Variants in PEX5L observed in about 807,000 individuals in gnomAD.
The protein encoded by PEX5L is peroxisomal biogenesis factor 5 like.
PEX5L carries 30 observed loss-of-function variants against 84.0 expected under a neutral mutation model. The ratio of observed to expected loss-of-function variants is 0.36; its 90% CI spans 0.27 to 0.48. The LOEUF (loss-of-function observed/expected upper bound fraction) is 0.48, where lower values mean the gene tolerates loss of function less well. Ranked by LOEUF, PEX5L falls within the 20% of genes least tolerant of loss-of-function variation. The pLI is 0.99. For synonymous variants in PEX5L, 270 were observed against 283.1 expected (o/e 0.95, Z 0.46); for missense variants, 533 against 754.6 (o/e 0.71, Z 3.44).
At chr3:179,961,536 G>A (rs1021992215) in intron 2 of PEX5L, among the ~76,000 whole-genome samples, 1 of 152,122 alleles carries the variant, frequency 6.6e-6, no homozygotes, top group African/African-American at 2.4e-5. Flanking sequence ...ACCACAGAAT[G>A]ACAAGGTCGG....
At chr3:179,988,798 G>A (rs1436671907) in intron 1 of PEX5L, among the ~76,000 whole-genome samples, 1 of 152,218 alleles carries the variant, frequency 6.6e-6, no homozygotes, top group African/African-American at 2.4e-5. Flanking sequence ...GTAGTTAGGA[G>A]TTAAATCATA....
At chr3:179,896,900 T>G (rs551566632) in intron 3 of PEX5L, among the ~76,000 whole-genome samples, 16 of 152,268 alleles carry the variant, frequency 1.1e-4, no homozygotes, top group African/African-American at 3.6e-4. Context: ...ATGAGGAATT[T>G]GGTAAATATC....
intron 2 of PEX5L, among the ~76,000 whole-genome samples, chr3:179,920,523 A>G (rs558255943): frequency 8.4e-4 from 128 of 152,344 alleles, no homozygotes; most frequent in African/African-American, 2.9e-3. Context: ...AACCTGTTAT[A>G]TAACAGGTTA....
At chr3:180,003,922 C>T (rs535076832) in intron 1 of PEX5L, among the ~76,000 whole-genome samples, 3 of 152,282 alleles carry the variant, frequency 2.0e-5, no homozygotes, top group Admixed American at 6.5e-5. Context: ...TGAAGAAATG[C>T]TCTAGCAGCT....
In PEX5L at chr3:179,815,942, T is replaced by G; in HGVS notation, c.1002A>C (p.Leu334Phe). The G allele has an allele frequency of 6.2e-7, 1 of 1,614,190 alleles. No homozygotes were observed. The highest frequency in any genetic ancestry group is 1.1e-5 in the South Asian group (1 of 91,086). ...GCAGATCCCCTTCCTTCAGCCTTTT[T>G]AAGCCTTCTTCAAATGCTCCAGGCC... ...KDWPGAFEEG[L>F]KRLKEGDLPV... The change falls in exon 10 of 15, where the codon TTA (leucine) becomes TTC (phenylalanine). Residue 334 changes from leucine (L) to phenylalanine (F), a missense_variant. Coordinates refer to ENST00000467460, the MANE Select transcript of PEX5L (RefSeq NM_016559.3).
intron 7 of PEX5L, among the ~76,000 whole-genome samples, chr3:179,861,723 T>A (rs1244888781): frequency 6.6e-6 from 1 of 152,202 alleles, no homozygotes; most frequent in African/African-American, 2.4e-5. Context: ...CATATCATCC[T>A]GGCAAGTAGG....
intron 1 of PEX5L, among the ~76,000 whole-genome samples, chr3:179,998,832 T>G (rs1161967328): frequency 6.6e-6 from 1 of 152,226 alleles, no homozygotes; most frequent in Non-Finnish European, 1.5e-5. Context: ...CCACCCTGCC[T>G]TCTCTCTTCC....
chr3:179,816,744 TTTAAA>T (rs1372084238), intron 9 of PEX5L, among the ~76,000 whole-genome samples: 10 of 152,136 alleles, frequency 6.6e-5, no homozygotes, highest in Non-Finnish European at 1.5e-4. Flanking sequence ...AATAAACAAT[TTTAAA>T]TTAAATTTAT....
chr3:179,879,984 A>C lies in PEX5L; in HGVS notation c.450T>G (p.Asp150Glu), dbSNP rs888061625. 1.2e-6 allele frequency: 2 copies of C among 1,613,328 alleles called. No individual in the cohort carries two copies. The highest frequency in any genetic ancestry group is 4.5e-5 in the East Asian group (2 of 44,858). ...KADGSDLIST[D>E]AEQRGQPLRV... The stretch of plus-strand genomic sequence containing the variant: ...TGAGAGGCTGGCCTCTCTGCTCAGC[A>C]TCCGTGCTGATGAGGTCAGATCCAT... Residue 150 changes from aspartate (D) to glutamate (E), a missense_variant, in exon 5 of 15, where the codon GAT (aspartate) becomes GAG (glutamate). This residue lies in a region of PEX5L where 259 missense variants were observed against 301.7 expected (regional missense o/e 0.86). Coordinates refer to ENST00000467460, the MANE Select transcript of PEX5L (RefSeq NM_016559.3).
At chr3:179,836,192 C>CA (rs1734862099) in intron 8 of PEX5L, among the ~76,000 whole-genome samples, 1 of 152,106 alleles carries the variant, frequency 6.6e-6, no homozygotes, top group Non-Finnish European at 1.5e-5. Context: ...CTAGTTTTCT[C>CA]ATCTATAAAA....
chr3:179,970,121 T>TG (rs1784365951), intron 2 of PEX5L, among the ~76,000 whole-genome samples: 1 of 152,098 alleles, frequency 6.6e-6, no homozygotes, highest in Non-Finnish European at 1.5e-5. Flanking sequence ...AGAAAAGCTT[T>TG]GGGGTAGGAA....
intron 7 of PEX5L, among the ~76,000 whole-genome samples, chr3:179,869,618 C>T (rs969655051): frequency 1.3e-5 from 2 of 152,164 alleles, no homozygotes; most frequent in African/African-American, 4.8e-5. Context: ...TTTTCCCATT[C>T]CCCTGTCTCT....
intron 3 of PEX5L, among the ~76,000 whole-genome samples, chr3:179,891,335 C>CTAAAT (rs1166435282): frequency 1.1e-4 from 16 of 152,116 alleles, no homozygotes; most frequent in African/African-American, 3.6e-4. Flanking sequence ...GTTTTTCAAG[C>CTAAAT]TGCAGCACAA....
intron 8 of PEX5L, among the ~76,000 whole-genome samples, chr3:179,824,508 C>A (rs533724105): frequency 7.2e-5 from 11 of 152,118 alleles, no homozygotes; most frequent in African/African-American, 2.7e-4. Context: ...GAGTTTGAGA[C>A]CGGCCTGACC....
intron 8 of PEX5L, among the ~76,000 whole-genome samples, chr3:179,837,045 A>G (rs1735218576): frequency 6.6e-6 from 1 of 152,220 alleles, no homozygotes; most frequent in Admixed American, 6.5e-5. Flanking sequence ...AAACTATAAT[A>G]CATTGTTGTT....
chr3:179,991,155 C>T (rs188297324), intron 1 of PEX5L, among the ~76,000 whole-genome samples: 84 of 152,310 alleles, frequency 5.5e-4, no homozygotes, highest in African/African-American at 1.9e-3. Context: ...AGCACCAAAC[C>T]GACTTACTGT....
intron 12 of PEX5L, among the ~76,000 whole-genome samples, chr3:179,809,058 A>G (rs1180945816): frequency 8.3e-6 from 1 of 120,590 alleles, no homozygotes; most frequent in Non-Finnish European, 1.6e-5. Context: ...TGGGCGACAG[A>G]GTGAGATTCC....
Position 179,943,222 on chromosome 3 carries a change from T to C in PEX5L, c.93+28372A>G, listed in dbSNP as rs900178853. 1.7e-4 allele frequency among the ~76,000 whole-genome samples: 26 copies of C among 152,374 alleles called. 1 individual carries two copies. The highest frequency in any genetic ancestry group is 5.3e-4 in the African/African-American group (22 of 41,592). ...GCATCTTTATATTAGGTTAGCGCTA[T>C]CATCAGCATTTGCACTGTATGAACA... On this transcript the variant is annotated intron_variant, in intron 2 of 14. Transcript: ENST00000467460.
At chr3:179,852,609 A>G (rs1742347036) in intron 8 of PEX5L, among the ~76,000 whole-genome samples, 1 of 152,264 alleles carries the variant, frequency 6.6e-6, no homozygotes, top group African/African-American at 2.4e-5. Context: ...AGGTCTTAGT[A>G]GAATTTAATA....
Sources: allele counts gnomAD v4.1 joint callset (sites outside exome capture counted in the v4.1 genomes callset), GRCh38; gene constraint gnomAD v4.1.1; regional missense constraint gnomAD v4.1.1; transcripts MANE v1.5; gene names NCBI Gene and HGNC (gene_info 2026-07-23, HGNC 2026-07-21).